Variants in ZNF529 observed in about 807,000 individuals in gnomAD.
ZNF529 encodes the protein zinc finger protein 529.
A neutral mutation model predicts 10.1 loss-of-function variants in ZNF529; 11 were observed. The observed-to-expected ratio is 1.09, with a 90% CI of 0.69 to 1.81. The LOEUF (loss-of-function observed/expected upper bound fraction) is 1.81. ZNF529 is among the 40% of genes most tolerant of loss of function. The pLI is 0.00. For missense variants in ZNF529, 624 were observed against 666.8 expected (o/e 0.94, Z 0.71); for synonymous variants, 204 against 215.7 (o/e 0.95, Z 0.47).
chr19:36,605,427 C>T (rs1452896762), upstream of ZNF529: 3 of 152,446 alleles, frequency 2.0e-5, no homozygotes, highest in African/African-American at 4.8e-5. Context: ...GACGCGGAAC[C>T]GGGTGGGGAG....
At position 36,573,272 on chromosome 19, in the gene ZNF529, C is replaced by T. The variant is rs2036215577; in HGVS notation, c.-179G>A. On this transcript the variant is annotated 5_prime_UTR_variant, in exon 1 of 5. Transcript: ENST00000591340. ...CCCGGCCCGGGTCACCTCGACTCGC[C>T]AGGCTTAACTCAATAACCACAACAC... 3.3e-6 allele frequency: 1 copy of T among 303,544 alleles called. No individual in the cohort carries two copies. The highest frequency in any genetic ancestry group is 6.9e-6 in the Non-Finnish European group (1 of 145,346). The allele number at this position is 303,544 out of a possible 1,614,324, so 18.8% of individuals were successfully genotyped here.
At chr19:36,574,760 G>A (rs1241589453), upstream of ZNF529, 1 of 468,400 alleles carries the variant, frequency 2.1e-6, no homozygotes, top group East Asian at 6.9e-5. Context: ...ACTCCATTGT[G>A]CAAATATACC....
At chr19:36,571,075 G>C (rs1479864894) in intron 2 of ZNF529, among the ~76,000 whole-genome samples, 1 of 152,016 alleles carries the variant, frequency 6.6e-6, no homozygotes, top group East Asian at 1.9e-4. Flanking sequence ...ATTAACACAG[G>C]ATTACCTTTA....
chr19:36,556,427 C>G (rs1385576472), intron 2 of ZNF529, among the ~76,000 whole-genome samples: 2 of 152,194 alleles, frequency 1.3e-5, no homozygotes, highest in Non-Finnish European at 2.9e-5. Flanking sequence ...GGCTTCTTCA[C>G]CACTTCTCAA....
At chr19:36,594,070 A>T (rs1040281514) in intron 1 of ZNF529, 1 of 152,204 alleles carries the variant, frequency 6.6e-6, no homozygotes, top group South Asian at 2.1e-4. Context: ...CACTCTGCTA[A>T]TGCTGACCTG....
chr19:36,581,903 C>G (rs1378040669), intron 2 of ZNF529: 1 of 152,244 alleles, frequency 6.6e-6, no homozygotes, highest in South Asian at 2.1e-4. Flanking sequence ...CAGACTAATA[C>G]ATGTGGCATA....
chr19:36,564,742 T>G (rs1342192205), intron 2 of ZNF529, among the ~76,000 whole-genome samples: 1 of 152,186 alleles, frequency 6.6e-6, no homozygotes, highest in Non-Finnish European at 1.5e-5. Flanking sequence ...AATCCCATTA[T>G]TGGGTACATA....
At position 36,546,673 on chromosome 19, in the gene ZNF529, G is replaced by A. The variant is rs535609484; in HGVS notation, c.*193C>T. 4.0e-6 allele frequency: 2 copies of A among 494,238 alleles called. No individual in the cohort carries two copies. The highest frequency in any genetic ancestry group is 6.8e-5 in the East Asian group (2 of 29,502). 30.6% of individuals were successfully genotyped at this position (494,238 alleles called of 1,614,324 possible). ...TTAACATAAAAAGGAGAAATATTTG[G>A]CAACATCTAACAAAGCTATAAGTAT... On this transcript the variant is annotated 3_prime_UTR_variant, in exon 5 of 5. Transcript: ENST00000591340.
intron 2 of ZNF529, among the ~76,000 whole-genome samples, chr19:36,560,461 G>C (rs1315826843): frequency 1.3e-5 from 2 of 152,010 alleles, no homozygotes; most frequent in Non-Finnish European, 2.9e-5. Flanking sequence ...AAGTTGTACT[G>C]GGCTAAGGAA....
chr19:36,574,079 A>G (rs1349637344), upstream of ZNF529, among the ~76,000 whole-genome samples: 2 of 152,226 alleles, frequency 1.3e-5, no homozygotes, highest in African/African-American at 2.4e-5. Flanking sequence ...ATTCTGAGCT[A>G]AATATGAGTG....
At chr19:36,550,490 G>A (rs1173468141) in intron 4 of ZNF529, among the ~76,000 whole-genome samples, 2 of 152,078 alleles carry the variant, frequency 1.3e-5, no homozygotes, top group Non-Finnish European at 2.9e-5. Context: ...AGGTTGCAGT[G>A]AGCTGAGACT....
intron 2 of ZNF529, among the ~76,000 whole-genome samples, chr19:36,567,820 T>G (rs1319170570): frequency 2.0e-5 from 3 of 152,114 alleles, no homozygotes; most frequent in Non-Finnish European, 4.4e-5. Context: ...TTAGGATGTA[T>G]CAAAACTAAA....
chr19:36,581,266 G>A (rs1169529751), intron 2 of ZNF529: 1 of 151,876 alleles, frequency 6.6e-6, no homozygotes. Flanking sequence ...TTCAATACAT[G>A]GAAATTAAAT....
At chr19:36,551,007 A>G (rs2035237536) in intron 4 of ZNF529, among the ~76,000 whole-genome samples, 1 of 152,218 alleles carries the variant, frequency 6.6e-6, no homozygotes, top group Non-Finnish European at 1.5e-5. Context: ...TATTGAAATA[A>G]ACCAGATAAT....
At chr19:36,565,520 G>A (rs1460436506) in intron 2 of ZNF529, among the ~76,000 whole-genome samples, 20 of 152,124 alleles carry the variant, frequency 1.3e-4, no homozygotes, top group Admixed American at 9.8e-4. Flanking sequence ...GGCCAACATG[G>A]TGAAACCCCA....
chr19:36,562,546 T>C (rs753526661), intron 2 of ZNF529, among the ~76,000 whole-genome samples: 92 of 151,992 alleles, frequency 6.1e-4, no homozygotes, highest in Non-Finnish European at 1.0e-3. Flanking sequence ...TATTAGAAGG[T>C]GGAGCCTGGC....
intron 2 of ZNF529, among the ~76,000 whole-genome samples, chr19:36,579,219 C>T (rs577060175): frequency 1.7e-4 from 26 of 151,174 alleles, no homozygotes; most frequent in African/African-American, 6.1e-4. Context: ...AAAAATACTA[C>T]ACGTGTGAAT....
At chr19:36,585,914 C>T (rs1023630777) in intron 2 of ZNF529, among the ~76,000 whole-genome samples, 10 of 152,198 alleles carry the variant, frequency 6.6e-5, no homozygotes, top group South Asian at 2.1e-4. Flanking sequence ...TTAACATTTA[C>T]GCTTACATCT....
At chr19:36,577,797 T>A (rs2036361685), upstream of ZNF529, 1 of 152,178 alleles carries the variant, frequency 6.6e-6, no homozygotes, top group African/African-American at 2.4e-5. Flanking sequence ...CTACTCTTTA[T>A]GTTCAGGAAA....
Sources: allele counts gnomAD v4.1 joint callset (sites outside exome capture counted in the v4.1 genomes callset), GRCh38; gene constraint gnomAD v4.1.1; transcripts MANE v1.5; gene names NCBI Gene and HGNC (gene_info 2026-07-23, HGNC 2026-07-21).